Variants in PARM1 observed in about 807,000 individuals in gnomAD.
PARM1 encodes the protein WSC4, cell wall integrity and stress response component 4 homolog.
PARM1 carries 14 observed loss-of-function variants against 24.6 expected under a neutral mutation model. That is an observed-to-expected ratio of 0.57 (90% CI 0.38 to 0.89). The LOEUF is 0.89. Among genes scored for constraint, PARM1 ranks in the 40% least tolerant of loss-of-function variants. PARM1 has a pLI of 0.00. For synonymous variants in PARM1, 179 were observed against 156.6 expected (o/e 1.14, Z -1.07); for missense variants, 362 against 380.4 (o/e 0.95, Z 0.40).
intron 1 of PARM1, chr4:74,969,632 T>C (rs768591552): frequency 1.3e-5 from 2 of 152,230 alleles, no homozygotes; most frequent in South Asian, 2.1e-4. Context: ...GCTCTGAGGC[T>C]GTCTCCTTTC....
chr4:75,031,391 G>C (rs768076314), intron 2 of PARM1, among the ~76,000 whole-genome samples: 1 of 152,168 alleles, frequency 6.6e-6, no homozygotes, highest in Non-Finnish European at 1.5e-5. Context: ...GCTAATTCCA[G>C]CTCTGGTCAT....
chr4:75,008,864 G>C (rs1334627749), intron 1 of PARM1, among the ~76,000 whole-genome samples: 2 of 151,942 alleles, frequency 1.3e-5, no homozygotes, highest in African/African-American at 4.8e-5. Context: ...ACAGACTGAG[G>C]CTCTCTCTAC....
chr4:74,972,687 A>G (rs1722061750), intron 1 of PARM1, among the ~76,000 whole-genome samples: 1 of 145,900 alleles, frequency 6.9e-6, no homozygotes, highest in Non-Finnish European at 1.5e-5. Flanking sequence ...ACAAAGTAGT[A>G]CTTCATGATT....
chr4:74,971,378 G>A (rs993793294), intron 1 of PARM1, among the ~76,000 whole-genome samples: 28 of 152,150 alleles, frequency 1.8e-4, no homozygotes, highest in Non-Finnish European at 3.1e-4. Flanking sequence ...TCCCTCTCAC[G>A]ACACATGGGG....
At chr4:74,993,749 G>A (rs976771266) in intron 1 of PARM1, 1 of 152,126 alleles carries the variant, frequency 6.6e-6, no homozygotes, top group Non-Finnish European at 1.5e-5. Flanking sequence ...CTGGTTGTCT[G>A]AGACAGGGCT....
chr4:75,005,338 C>A (rs1046772969), intron 1 of PARM1, among the ~76,000 whole-genome samples: 3 of 152,148 alleles, frequency 2.0e-5, no homozygotes, highest in African/African-American at 7.2e-5. Flanking sequence ...AAGCTGAGAG[C>A]AGGGAAAGAC....
At chr4:74,948,866 C>CA (rs1390751935) in intron 1 of PARM1, among the ~76,000 whole-genome samples, 1 of 151,862 alleles carries the variant, frequency 6.6e-6, no homozygotes, top group Non-Finnish European at 1.5e-5. Flanking sequence ...ACTAAAAATA[C>CA]AAAAAATTAG....
chr4:75,011,679 G>C (rs961716166), intron 1 of PARM1, among the ~76,000 whole-genome samples: 1 of 152,178 alleles, frequency 6.6e-6, no homozygotes. Context: ...ACATATGAAG[G>C]AGTGCATTTG....
chr4:74,950,716 G>T (rs1208876711), intron 1 of PARM1, among the ~76,000 whole-genome samples: 5 of 152,102 alleles, frequency 3.3e-5, no homozygotes, highest in African/African-American at 7.2e-5. Context: ...TTTTATTCAA[G>T]ATAGCATTCA....
intron 1 of PARM1, among the ~76,000 whole-genome samples, chr4:75,006,584 A>C (rs1722773922): frequency 6.6e-6 from 1 of 152,138 alleles, no homozygotes; most frequent in Non-Finnish European, 1.5e-5. Flanking sequence ...GCTATTGTGA[A>C]TAGTGCCACA....
chr4:74,968,084 AAT>A (rs1721942528), intron 1 of PARM1, among the ~76,000 whole-genome samples: 1 of 152,172 alleles, frequency 6.6e-6, no homozygotes, highest in Non-Finnish European at 1.5e-5. Context: ...AAATAAAATT[AAT>A]ATATGTTTAT....
chr4:75,037,877 C>G (rs976179702), intron 3 of PARM1, among the ~76,000 whole-genome samples: 2 of 152,196 alleles, frequency 1.3e-5, no homozygotes, highest in African/African-American at 4.8e-5. Flanking sequence ...TGCAGAGTAA[C>G]TGGAGAGACT....
At position 75,033,890 on chromosome 4, in the gene PARM1, C is replaced by G. The variant is rs757194557; in HGVS notation, c.777C>G (p.Ile259Met). 4 of 1,597,260 alleles carry G rather than the reference C, an allele frequency of 2.5e-6. No homozygotes were observed. Among genetic ancestry groups the G allele is most frequent in the Non-Finnish European group, 3.4e-6 (4 of 1,171,618 alleles). The change falls in exon 3 of 4, where the codon ATC (isoleucine) becomes ATG (methionine). Residue 259 changes from isoleucine (I) to methionine (M), a missense_variant. Physicochemically the swap from Ile to Met is conservative, Grantham distance 10. Transcript: ENST00000307428. ...GCCCTTCCTCCTTCACAGGCAGCAT[C>G]GCCGCCATTACCGTGACAGTCATTG... ...EVEHALSSGS[I>M]AAITVTVIAV...
Position 74,933,140 on chromosome 4 carries a change from C to T in PARM1, c.-188C>T. 1.8e-6 allele frequency: 1 copy of T among 550,550 alleles called. No homozygotes were observed. Among genetic ancestry groups the T allele is most frequent in the Non-Finnish European group, 3.2e-6 (1 of 312,990 alleles). 34.1% of individuals were successfully genotyped at this position (550,550 alleles called of 1,614,324 possible). ...CAGAAGAGCGCGGAGCACCGGAGGG[C>T]ACGCAGCTGACGGAGCTGCGCTGCG... On this transcript the variant is annotated 5_prime_UTR_variant, in exon 1 of 4. Transcript: ENST00000307428.
chr4:75,038,606 C>T (rs1040252023), intron 3 of PARM1, among the ~76,000 whole-genome samples: 16 of 152,116 alleles, frequency 1.1e-4, no homozygotes, highest in Admixed American at 3.9e-4. Context: ...TTGGCAGTTT[C>T]GTTAGTGCTA....
chr4:75,015,693 A>G (rs1722972031), intron 2 of PARM1, among the ~76,000 whole-genome samples: 1 of 152,144 alleles, frequency 6.6e-6, no homozygotes, highest in Non-Finnish European at 1.5e-5. Context: ...ATGTGATAGA[A>G]CCTGTTCACT....
At chr4:74,950,315 C>A (rs1721497713) in intron 1 of PARM1, among the ~76,000 whole-genome samples, 1 of 152,328 alleles carries the variant, frequency 6.6e-6, no homozygotes, top group Non-Finnish European at 1.5e-5. Context: ...TCTGAAGCTC[C>A]AGGGGAGGAT....
chr4:74,978,284 A>G (rs1181752943), intron 1 of PARM1, among the ~76,000 whole-genome samples: 1 of 152,230 alleles, frequency 6.6e-6, no homozygotes, highest in Admixed American at 6.5e-5. Context: ...TTTACCAAGC[A>G]CATGGAAGCT....
At chr4:74,961,337 G>A (rs549244446) in intron 1 of PARM1, among the ~76,000 whole-genome samples, 6 of 152,192 alleles carry the variant, frequency 3.9e-5, no homozygotes, top group Non-Finnish European at 5.9e-5. Context: ...AAATATACAC[G>A]TAATGAAAGT....
Sources: gnomAD v4.1 joint callset for allele counts (sites outside exome capture counted in the v4.1 genomes callset) on GRCh38, gnomAD v4.1.1 for gene constraint, MANE v1.5 for transcripts, NCBI Gene and HGNC (gene_info 2026-07-23, HGNC 2026-07-21) for gene names.